The following TUSC3 variants were observed in gnomAD, a reference collection of about 807,000 sequenced individuals.
TUSC3 encodes dolichyl-diphosphooligosaccharide--protein glycosyltransferase subunit TUSC3.
In TUSC3, 45 loss-of-function variants were observed where a neutral mutation model predicts 44.8. The ratio of observed to expected loss-of-function variants is 1.00; its 90% CI spans 0.79 to 1.29. The LOEUF (loss-of-function observed/expected upper bound fraction) is 1.29. TUSC3 is among the 50% of genes most tolerant of loss of function. TUSC3 has a pLI of 0.00. For synonymous variants in TUSC3, 212 were observed against 152.9 expected, an observed-to-expected ratio of 1.39 and a Z score of -2.85; for missense variants, 519 against 437.9, an observed-to-expected ratio of 1.19 and a Z score of -1.65.
At chr8:15,481,085 T>TA (rs1032239856) in intron 1 of TUSC3, among the ~76,000 whole-genome samples, 1 of 151,860 alleles carries the variant, frequency 6.6e-6, no homozygotes, top group African/African-American at 2.4e-5. Context: ...CTGTCTCTAC[T>TA]AAAAAATACA....
At chr8:15,454,630 C>G (rs1188092830) in intron 1 of TUSC3, among the ~76,000 whole-genome samples, 2 of 152,114 alleles carry the variant, frequency 1.3e-5, no homozygotes, top group Non-Finnish European at 2.9e-5. Context: ...TTATAGTTCC[C>G]CTTGACTTGT....
intron 7 of TUSC3, among the ~76,000 whole-genome samples, chr8:15,736,416 A>G (rs532450825): frequency 6.6e-6 from 1 of 152,306 alleles, no homozygotes; most frequent in African/African-American, 2.4e-5. Context: ...AATATATAAA[A>G]TTGTGTTTAA....
At chr8:15,588,918 C>G (rs570803555) in intron 1 of TUSC3, among the ~76,000 whole-genome samples, 2 of 152,180 alleles carry the variant, frequency 1.3e-5, no homozygotes, top group South Asian at 2.1e-4. Context: ...GCCTTTGTGT[C>G]TGTGTTTGTA....
At chr8:15,594,252 AG>A (rs1803976114) in intron 1 of TUSC3, among the ~76,000 whole-genome samples, 1 of 152,026 alleles carries the variant, frequency 6.6e-6, no homozygotes, top group Non-Finnish European at 1.5e-5. Context: ...CACGTGTTGT[AG>A]TTTTCATCTT....
At chr8:15,582,191 G>C (rs1045101567) in intron 1 of TUSC3, among the ~76,000 whole-genome samples, 8 of 152,288 alleles carry the variant, frequency 5.3e-5, no homozygotes, top group East Asian at 3.9e-4. Flanking sequence ...CGCACCCACT[G>C]GCCTGCGCCC....
intron 1 of TUSC3, among the ~76,000 whole-genome samples, chr8:15,457,080 C>T (rs1300677343): frequency 6.7e-6 from 1 of 149,672 alleles, no homozygotes; most frequent in African/African-American, 2.5e-5. Context: ...AAAAACCAAA[C>T]ACTGCGTGTT....
chr8:15,743,669 G>C (rs944614836), intron 8 of TUSC3, 57 bp downstream of exon 8: 1 of 1,566,368 alleles, frequency 6.4e-7, no homozygotes, highest in Non-Finnish European at 8.8e-7. Context: ...ATTCATTTAA[G>C]TCAAATGGGA....
At chr8:15,560,658 G>T (rs1802425921) in intron 1 of TUSC3, among the ~76,000 whole-genome samples, 1 of 107,274 alleles carries the variant, frequency 9.3e-6, no homozygotes, top group Admixed American at 9.5e-5. Flanking sequence ...ACGTAGATTT[G>T]GTCTTTTCAC....
At chr8:15,567,156 T>A (rs1025286677) in intron 1 of TUSC3, among the ~76,000 whole-genome samples, 1 of 152,158 alleles carries the variant, frequency 6.6e-6, no homozygotes, top group African/African-American at 2.4e-5. Context: ...AGATCCAAGA[T>A]TCTTTGAACT....
chr8:15,626,143 G>T (rs1805499540), intron 2 of TUSC3, among the ~76,000 whole-genome samples: 1 of 152,216 alleles, frequency 6.6e-6, no homozygotes. Context: ...AGCTGACTGT[G>T]CCACCCCCAC....
intron 2 of TUSC3, among the ~76,000 whole-genome samples, chr8:15,641,517 A>G (rs572947870): frequency 3.9e-5 from 6 of 152,318 alleles, no homozygotes; most frequent in Admixed American, 3.3e-4. Context: ...AGGTCTGAAA[A>G]TGCAAATAGT....
intron 1 of TUSC3, among the ~76,000 whole-genome samples, chr8:15,445,315 A>AT (rs772958943): frequency 0.037 from 5,341 of 143,330 alleles, 114 homozygotes; most frequent in East Asian, 0.045. Context: ...CCAGGATTTT[A>AT]TTTTTTTTTT....
chr8:15,701,960 T>C (rs553448860), intron 6 of TUSC3, among the ~76,000 whole-genome samples: 6 of 152,176 alleles, frequency 3.9e-5, no homozygotes, highest in Admixed American at 1.3e-4. Context: ...AATAAACTAC[T>C]AAGTCATGTT....
the TUSC3 span, among the ~76,000 whole-genome samples, chr8:15,775,748 CTATATATA>C: frequency 0.21 from 29,703 of 138,756 alleles, 3,181 homozygotes; most frequent in Middle Eastern, 0.3. Context: ...ATATATTACA[CTATATATA>C]TATATATATA....
the TUSC3 span, among the ~76,000 whole-genome samples, chr8:15,799,307 T>C: frequency 3.9e-5 from 6 of 152,262 alleles, no homozygotes; most frequent in South Asian, 1.2e-3. Context: ...CCCAGAATAA[T>C]GGTCCCAAAG....
chr8:15,790,531 A>G, the TUSC3 span, among the ~76,000 whole-genome samples: 2 of 152,018 alleles, frequency 1.3e-5, no homozygotes, highest in Admixed American at 6.6e-5. Context: ...AGTGTCTTGT[A>G]CTAATGGGCA....
At chr8:15,479,616 G>T (rs1800631567) in intron 1 of TUSC3, among the ~76,000 whole-genome samples, 1 of 152,076 alleles carries the variant, frequency 6.6e-6, no homozygotes. Flanking sequence ...TTATTTCTCA[G>T]ATGTCTATTC....
At chr8:15,535,916 G>A (rs1032072077), upstream of TUSC3, among the ~76,000 whole-genome samples, 1 of 151,958 alleles carries the variant, frequency 6.6e-6, no homozygotes. Context: ...CGTGGCCTGC[G>A]GGTTGCATGT....
At chr8:15,698,165 A>C (rs992394847) in intron 6 of TUSC3, among the ~76,000 whole-genome samples, 4 of 152,186 alleles carry the variant, frequency 2.6e-5, no homozygotes, top group Admixed American at 2.0e-4. Flanking sequence ...CCTGTTCCTA[A>C]AATGAATTTT....
Sources: gnomAD v4.1 joint callset for allele counts (sites outside exome capture counted in the v4.1 genomes callset) on GRCh38, gnomAD v4.1.1 for gene constraint, MANE v1.5 for transcripts, NCBI Gene and HGNC (gene_info 2026-07-23, HGNC 2026-07-21) for gene names.